Variants in XRCC4 observed in about 807,000 individuals in gnomAD.
The protein encoded by XRCC4 is X-ray repair cross complementing 4, also known as DNA repair protein XRCC4.
Under a neutral mutation model 39.1 loss-of-function variants are expected in XRCC4, and 28 were observed. The ratio of observed to expected loss-of-function variants is 0.72; its 90% CI spans 0.53 to 0.98. The LOEUF is 0.98. XRCC4 is among the 50% of genes least tolerant of loss of function. The pLI, the probability that XRCC4 is intolerant of heterozygous loss-of-function variation, is 0.00. For missense variants in XRCC4, 350 were observed against 376.4 expected (o/e 0.93, Z 0.58); for synonymous variants, 123 against 126.4 (o/e 0.97, Z 0.18).
intron 3 of XRCC4, among the ~76,000 whole-genome samples, chr5:83,155,789 A>C (rs1748929362): frequency 6.6e-6 from 1 of 152,180 alleles, no homozygotes; most frequent in Non-Finnish European, 1.5e-5. Flanking sequence ...ACCTAAAAAA[A>C]CTGTATTTAA....
intron 3 of XRCC4, among the ~76,000 whole-genome samples, chr5:83,165,485 CTTTTA>C (rs1749420548): frequency 6.6e-6 from 1 of 151,994 alleles, no homozygotes; most frequent in Non-Finnish European, 1.5e-5. Flanking sequence ...TTATTTTTAA[CTTTTA>C]TTTTAAGTTC....
At chr5:83,099,549 A>G (rs1212008268) in intron 1 of XRCC4, among the ~76,000 whole-genome samples, 1 of 152,216 alleles carries the variant, frequency 6.6e-6, no homozygotes, top group Non-Finnish European at 1.5e-5. Context: ...ATTGCATACC[A>G]GCCAACAACT....
chr5:83,352,163 TTG>T (rs958673268), intron 7 of XRCC4, among the ~76,000 whole-genome samples: 1 of 152,136 alleles, frequency 6.6e-6, no homozygotes, highest in Non-Finnish European at 1.5e-5. Flanking sequence ...GGGTTCAAAC[TTG>T]TGTTTCCTGA....
intron 7 of XRCC4, among the ~76,000 whole-genome samples, chr5:83,284,082 A>AAAAAAAAAAAAT (rs1754652684): frequency 6.6e-6 from 1 of 150,490 alleles, no homozygotes; most frequent in African/African-American, 2.4e-5. Flanking sequence ...AAAAAAACGA[A>AAAAAAAAAAAAT]TAATTCATGA....
intron 7 of XRCC4, among the ~76,000 whole-genome samples, chr5:83,267,722 T>G (rs545314551): frequency 4.3e-4 from 65 of 152,206 alleles, no homozygotes; most frequent in Middle Eastern, 3.4e-3. Context: ...ATGTCTAGCT[T>G]GATTGAAGCC....
At chr5:83,188,222 C>T (rs867285190) in intron 3 of XRCC4, among the ~76,000 whole-genome samples, 3 of 152,026 alleles carry the variant, frequency 2.0e-5, no homozygotes, top group Non-Finnish European at 2.9e-5. Context: ...GGGCTGTGGT[C>T]TCATCTCAAG....
chr5:83,272,841 G>A lies in XRCC4; in HGVS notation c.893+14164G>A, dbSNP rs530536201. Among the ~76,000 whole-genome samples the A allele has an allele frequency of 2.0e-5, 3 of 152,282 alleles. No individual in the cohort carries two copies. The South Asian group carries it at 6.2e-4, about 32-fold the overall frequency. ...CAGTCTGTCATTGATGGGCATTTGG[G>A]TTGGTTCCAAGTCTTTGCTATTGTA... On this transcript the variant is annotated intron_variant, in intron 7 of 7. Transcript: ENST00000396027.
intron 7 of XRCC4, among the ~76,000 whole-genome samples, chr5:83,263,529 T>C (rs982079461): frequency 6.6e-6 from 1 of 151,246 alleles, no homozygotes; most frequent in African/African-American, 2.4e-5. Flanking sequence ...TTTTGAATGA[T>C]TGCCATTCTA....
At chr5:83,332,609 C>A (rs1003697431) in intron 7 of XRCC4, among the ~76,000 whole-genome samples, 1 of 152,160 alleles carries the variant, frequency 6.6e-6, no homozygotes, top group African/African-American at 2.4e-5. Flanking sequence ...AAATGCTGTA[C>A]ATGGACTTGC....
downstream of XRCC4, among the ~76,000 whole-genome samples, chr5:83,355,800 C>T (rs1757183588): frequency 6.6e-6 from 1 of 152,116 alleles, no homozygotes; most frequent in African/African-American, 2.4e-5. Flanking sequence ...CCACACCCGG[C>T]TAATTTTTTG....
At chr5:83,343,070 CT>C (rs57984474) in intron 7 of XRCC4, among the ~76,000 whole-genome samples, 165 of 145,364 alleles carry the variant, frequency 1.1e-3, no homozygotes, top group Non-Finnish European at 1.4e-3. Context: ...AAATATTTGA[CT>C]TTTTTTTTTT....
At chr5:83,220,615 CAGTTACA>C (rs1442298236) in intron 6 of XRCC4, among the ~76,000 whole-genome samples, 1 of 152,092 alleles carries the variant, frequency 6.6e-6, no homozygotes, top group Non-Finnish European at 1.5e-5. Context: ...TGAAACAGAA[CAGTTACA>C]AGTATGGTGG....
chr5:83,079,977 T>A (rs571139691), intron 1 of XRCC4, among the ~76,000 whole-genome samples: 1 of 152,332 alleles, frequency 6.6e-6, no homozygotes, highest in South Asian at 2.1e-4. Context: ...CTCAGTGTTA[T>A]GAGGATTACA....
At chr5:83,164,888 A>G (rs886134734) in intron 3 of XRCC4, among the ~76,000 whole-genome samples, 16 of 152,152 alleles carry the variant, frequency 1.1e-4, no homozygotes, top group Non-Finnish European at 2.1e-4. Flanking sequence ...GTAGCTGACA[A>G]TATAAGAACT....
At chr5:83,094,984 A>G (rs1322741592) in intron 1 of XRCC4, among the ~76,000 whole-genome samples, 1 of 144,460 alleles carries the variant, frequency 6.9e-6, no homozygotes, top group Non-Finnish European at 1.5e-5. Context: ...TGATTTCCTG[A>G]GTCTTTGTAA....
intron 2 of XRCC4, among the ~76,000 whole-genome samples, chr5:83,108,065 A>C (rs1455893711): frequency 6.6e-6 from 1 of 151,936 alleles, no homozygotes; most frequent in Non-Finnish European, 1.5e-5. Flanking sequence ...TTCAGTGTTA[A>C]AGTGAGTCTC....
intron 1 of XRCC4, among the ~76,000 whole-genome samples, chr5:83,088,266 A>G (rs1745270238): frequency 6.6e-6 from 1 of 152,196 alleles, no homozygotes; most frequent in Non-Finnish European, 1.5e-5. Flanking sequence ...TTTTTAAATA[A>G]CTAACAAGTT....
chr5:83,231,062 T>G (rs891602752), intron 6 of XRCC4, among the ~76,000 whole-genome samples: 2 of 152,002 alleles, frequency 1.3e-5, no homozygotes, highest in Non-Finnish European at 2.9e-5. Flanking sequence ...AAAATACATG[T>G]CTGTAAGGAG....
chr5:83,125,046 T>C (rs1302090683), intron 3 of XRCC4, among the ~76,000 whole-genome samples: 2 of 152,204 alleles, frequency 1.3e-5, no homozygotes, highest in Non-Finnish European at 2.9e-5. Flanking sequence ...TGTGTTATGG[T>C]ATCTTATTGT....
Sources: allele counts gnomAD v4.1 joint callset (sites outside exome capture counted in the v4.1 genomes callset), GRCh38; gene constraint gnomAD v4.1.1; transcripts MANE v1.5; gene names NCBI Gene and HGNC (gene_info 2026-07-23, HGNC 2026-07-21).